Variants in PADI4 observed in about 807,000 individuals in gnomAD.
PADI4 encodes protein-arginine deiminase type-4.
A neutral mutation model predicts 75.0 loss-of-function variants in PADI4; 62 were observed. That is an observed-to-expected ratio of 0.83 (90% CI 0.67 to 1.02). The LOEUF (loss-of-function observed/expected upper bound fraction) is 1.02, where lower values mean the gene tolerates loss of function less well. PADI4 is among the 50% of genes least tolerant of loss of function. The pLI is 0.00. For missense variants in PADI4, 845 were observed against 850.5 expected, an observed-to-expected ratio of 0.99 and a Z score of 0.08; for synonymous variants, 361 against 348.1, an observed-to-expected ratio of 1.04 and a Z score of -0.41.
Position 17,363,549 on chromosome 1 carries a change from C to T in PADI4, c.1786C>T (p.Leu596=). ...GAACATGCTGGTGCTAGGGAAGCAC[C>T]TGGGCATCCCCAAGCCCTTCGGGCC... ...MVNMLVLGKH[L]GIPKPFGPVI... The change falls in exon 16 of 16, where the codon CTG becomes TTG. Residue 596 remains leucine, a synonymous_variant. Transcript: ENST00000375448. 1 of 1,613,678 alleles carries T rather than the reference C, an allele frequency of 6.2e-7. No individual in the cohort carries two copies. Among genetic ancestry groups the T allele is most frequent in the Non-Finnish European group, 8.5e-7 (1 of 1,179,650 alleles).
rs200397274 is a variant in PADI4 at position 17,317,489 on chromosome 1, T to TA, written c.92+9175_92+9176insA. On this transcript the variant is annotated intron_variant, in intron 1 of 15. Transcript: ENST00000375448. ...ATTCACCATGTTGGCCAGGCTGGTC[T>TA]CGAACTCCTGACCTCGTGATCCGCC... Among the ~76,000 whole-genome samples, 487 of 149,024 alleles carry TA rather than the reference T, an allele frequency of 3.3e-3. 6 individuals carry two copies. Among genetic ancestry groups the TA allele is most frequent in the African/African-American group, 0.011 (456 of 40,518 alleles).
rs141870581 is a variant in PADI4 at position 17,363,075 on chromosome 1, C to T, written c.1759-447C>T. ...CAGGTGATCCACTCGCCTAGGCCTC[C>T]CAAAGTGCTGGGATTACAGGCATGA... is the stretch of plus-strand genomic sequence containing the variant. On this transcript the variant is annotated intron_variant, in intron 15 of 15. Coordinates refer to ENST00000375448, the MANE Select transcript of PADI4 (RefSeq NM_012387.3). Among the ~76,000 whole-genome samples, 382 of 152,102 alleles carry T rather than the reference C, an allele frequency of 2.5e-3. 1 individual carries two copies. Among genetic ancestry groups the T allele is most frequent in the African/African-American group, 8.8e-3 (365 of 41,496 alleles).
At chr1:17,315,950 C>G (rs1017896157) in intron 1 of PADI4, among the ~76,000 whole-genome samples, 1 of 151,944 alleles carries the variant, frequency 6.6e-6, no homozygotes, top group African/African-American at 2.4e-5. Flanking sequence ...TCCCTGATGA[C>G]CCACAGCTCT....
rs774138940 is a variant in PADI4, at chr1:17,363,570, G to A, written c.1807G>A (p.Gly603Arg). ...GKHLGIPKPF[G>R]PVINGRCCLE... is the part of the protein sequence containing the mutation. The stretch of plus-strand genomic sequence containing the variant: ...GCACCTGGGCATCCCCAAGCCCTTC[G>A]GGCCCGTCATCAACGGCCGCTGCTG... Residue 603 changes from glycine (G) to arginine (R), a missense_variant, in exon 16 of 16, where the codon GGG (glycine) becomes AGG (arginine). Coordinates refer to ENST00000375448, the MANE Select transcript of PADI4 (RefSeq NM_012387.3). 3.7e-6 allele frequency: 6 copies of A among 1,613,960 alleles called. No homozygotes were observed. The highest frequency in any genetic ancestry group is 4.2e-6 in the Non-Finnish European group (5 of 1,179,920).
chr1:17,331,684 G>A (rs1328752135), intron 2 of PADI4, among the ~76,000 whole-genome samples: 1 of 152,138 alleles, frequency 6.6e-6, no homozygotes, highest in South Asian at 2.1e-4. Flanking sequence ...TTGGGAGGCC[G>A]AGGCGGGTGG....
intron 1 of PADI4, among the ~76,000 whole-genome samples, chr1:17,326,987 T>A (rs2074127415): frequency 6.7e-6 from 1 of 150,192 alleles, no homozygotes; most frequent in African/African-American, 2.4e-5. Flanking sequence ...ATTGGCTCAC[T>A]GCAACCTCTG....
intron 1 of PADI4, among the ~76,000 whole-genome samples, chr1:17,316,758 C>T (rs929448386): frequency 2.0e-5 from 3 of 151,204 alleles, no homozygotes; most frequent in African/African-American, 7.3e-5. Context: ...TAAAATAACA[C>T]CCCTGCCCAA....
intron 8 of PADI4, among the ~76,000 whole-genome samples, chr1:17,345,352 T>C (rs1006776432): frequency 2.0e-5 from 3 of 152,232 alleles, no homozygotes; most frequent in Non-Finnish European, 4.4e-5. Flanking sequence ...GATGAGATTT[T>C]GGATTGTGAA....
Position 17,346,163 on chromosome 1 carries a change from G to C in PADI4, c.1047+24G>C. The C allele has an allele frequency of 6.7e-7, 1 of 1,492,892 alleles. No homozygotes were observed. The highest frequency in any genetic ancestry group is 1.1e-5 in the South Asian group (1 of 88,632). The allele number at this position is 1,492,892 out of a possible 1,614,324, so 92.5% of individuals were successfully genotyped here. A position where few individuals can be genotyped will look rare whatever the true frequency, so the allele number is the denominator to read the frequency against. ...AGGTATGTGCCCTGCGGGGCAGGCAGGGTGACTGTCCCTGAGGGCCAAGAG... is the reference window on the plus strand; with the variant it reads ...AGGTATGTGCCCTGCGGGGCAGGCACGGTGACTGTCCCTGAGGGCCAAGAG... On this transcript the variant is annotated intron_variant, in intron 9 of 15. Coordinates refer to ENST00000375448, the MANE Select transcript of PADI4 (RefSeq NM_012387.3). This position sits in a 1 kb window ranked among gnomAD's most constrained non-coding sequence, Gnocchi z 4.3.
chr1:17,354,034 A>G (rs997196307), intron 10 of PADI4, among the ~76,000 whole-genome samples: 5 of 151,548 alleles, frequency 3.3e-5, no homozygotes, highest in Non-Finnish European at 7.4e-5. Flanking sequence ...GAGGTCAGGA[A>G]TCCGAGACTA....
intron 1 of PADI4, among the ~76,000 whole-genome samples, chr1:17,317,053 G>T (rs777277905): frequency 8.5e-5 from 13 of 152,168 alleles, no homozygotes; most frequent in Non-Finnish European, 1.3e-4. Flanking sequence ...TTCTTCATTT[G>T]TAGAAGGGGA....
intron 1 of PADI4, among the ~76,000 whole-genome samples, chr1:17,316,937 C>T (rs1171351973): frequency 6.6e-6 from 1 of 152,034 alleles, no homozygotes; most frequent in Non-Finnish European, 1.5e-5. Context: ...AGCAAGACCT[C>T]ATAGTGCTGC....
At chr1:17,360,579 A>G (rs578100508) in intron 15 of PADI4, among the ~76,000 whole-genome samples, 1 of 152,282 alleles carries the variant, frequency 6.6e-6, no homozygotes, top group African/African-American at 2.4e-5. Flanking sequence ...GTATCTCACA[A>G]CAATTCCAGA....
In PADI4 at chr1:17,308,288, C is replaced by T. The variant is rs150078026; in HGVS notation, c.66C>T (p.Gly22=). The change falls in exon 1 of 16, where the codon GGC becomes GGT. Residue 22 remains glycine, a synonymous_variant. Transcript: ENST00000375448. ...CCACCCATGCCGTGTGTGTGCTGGG[C>T]ACCTTGACTCAGCTTGACATCTGCA... ...EQPTHAVCVL[G]TLTQLDICSS... 3 of 1,613,898 alleles carry T rather than the reference C, an allele frequency of 1.9e-6. No individual in the cohort carries two copies. The highest frequency in any genetic ancestry group is 2.5e-6 in the Non-Finnish European group (3 of 1,179,964).
chr1:17,317,100 G>T (rs543975039), intron 1 of PADI4, among the ~76,000 whole-genome samples: 15 of 152,280 alleles, frequency 9.9e-5, no homozygotes, highest in Middle Eastern at 3.4e-3. Context: ...TTGTCATGGA[G>T]ATGCCTGTAG....
intron 10 of PADI4, among the ~76,000 whole-genome samples, chr1:17,351,169 G>A (rs2074611147): frequency 7.7e-6 from 1 of 130,382 alleles, no homozygotes; most frequent in African/African-American, 2.7e-5. Context: ...CTGCACTCCA[G>A]TCTGGGTGAC....
chr1:17,363,471 G>T, intron 15 of PADI4, 51 bp from the exon 16 acceptor site: 2 of 1,313,004 alleles, frequency 1.5e-6, no homozygotes, highest in Non-Finnish European at 2.2e-6. Flanking sequence ...CTCAGATTGC[G>T]CTGCAGGCTG....
chr1:17,314,591 A>C (rs1022502660), intron 1 of PADI4, among the ~76,000 whole-genome samples: 1 of 152,216 alleles, frequency 6.6e-6, no homozygotes, highest in Non-Finnish European at 1.5e-5. Context: ...GCAACCACCC[A>C]GGAAGCAGGT....
At chr1:17,339,463 A>T (rs1433418970) in intron 5 of PADI4, among the ~76,000 whole-genome samples, 2 of 152,204 alleles carry the variant, frequency 1.3e-5, no homozygotes, top group Non-Finnish European at 2.9e-5. Context: ...TCCCCAGCTC[A>T]TCCTAGTGGG....
Sources: allele counts gnomAD v4.1 joint callset (sites outside exome capture counted in the v4.1 genomes callset), GRCh38; gene constraint gnomAD v4.1.1; non-coding constraint Gnocchi (gnomAD v3.1); transcripts MANE v1.5; gene names NCBI Gene and HGNC (gene_info 2026-07-23, HGNC 2026-07-21).